ELF2: variants seen among roughly 807,000 people sequenced by gnomAD.
The protein encoded by ELF2 is E74 like ETS transcription factor 2, also known as ETS-related transcription factor Elf-2.
Under a neutral mutation model 54.8 loss-of-function variants are expected in ELF2, and 11 were observed. That is an observed-to-expected ratio of 0.20 (90% CI 0.13 to 0.33). ELF2 has a LOEUF of 0.33. Ranked by LOEUF, ELF2 falls within the 10% of genes least tolerant of loss-of-function variation. The pLI, the probability that ELF2 is intolerant of heterozygous loss-of-function variation, is 1.00. For synonymous variants in ELF2, 203 were observed against 245.1 expected, an observed-to-expected ratio of 0.83 and a Z score of 1.61; for missense variants, 513 against 703.0, an observed-to-expected ratio of 0.73 and a Z score of 3.06.
At chr4:139,119,070 T>G (rs989163266) in intron 4 of ELF2, among the ~76,000 whole-genome samples, 7 of 152,250 alleles carry the variant, frequency 4.6e-5, no homozygotes, top group African/African-American at 1.7e-4. Context: ...CAGGATTTTC[T>G]ATCATATTTG....
intron 4 of ELF2, among the ~76,000 whole-genome samples, chr4:139,113,497 T>C (rs1398154465): frequency 1.3e-5 from 2 of 148,742 alleles, no homozygotes; most frequent in Non-Finnish European, 3.0e-5. Flanking sequence ...GGAGGCAGAG[T>C]TTGCAGTGAG....
chr4:139,064,275 T>C (rs1185824992), intron 7 of ELF2, among the ~76,000 whole-genome samples: 1 of 152,184 alleles, frequency 6.6e-6, no homozygotes, highest in Non-Finnish European at 1.5e-5. Flanking sequence ...GCCACTGCAC[T>C]GCACCGCACT....
Position 139,063,064 on chromosome 4 carries a change from C to A in ELF2, c.614-1007G>T, listed in dbSNP as rs141973092. 1.1e-3 allele frequency among the ~76,000 whole-genome samples: 170 copies of A among 152,188 alleles called. 2 individuals carry two copies. Among genetic ancestry groups the A allele is most frequent in the Non-Finnish European group, 1.9e-3 (130 of 68,006 alleles). On this transcript the variant is annotated intron_variant, in intron 7 of 9. Transcript: ENST00000686138. Reference sequence around the variant, plus strand: ...CGTGAGGTCAGGAGTTCGAGACCAGCCTGGCCAACATGGTGAAACCCCATC... The same window carrying A: ...CGTGAGGTCAGGAGTTCGAGACCAGACTGGCCAACATGGTGAAACCCCATC...
At chr4:139,116,754 G>C (rs1176542946) in intron 4 of ELF2, 1 of 984,484 alleles carries the variant, frequency 1.0e-6, no homozygotes, top group Non-Finnish European at 1.2e-6. Flanking sequence ...CTACCTCCCT[G>C]TGGCAACAAT....
In ELF2 at chr4:139,058,170, G is replaced by A. The variant is rs552363246; in HGVS notation, c.*813C>T. The A allele has an allele frequency of 6.6e-6, 1 of 152,556 alleles. No homozygotes were observed. Among genetic ancestry groups the A allele is most frequent in the East Asian group, 1.9e-4 (1 of 5,180 alleles). The allele number at this position is 152,556 out of a possible 1,614,324, so 9.5% of individuals were successfully genotyped here. A position where few individuals can be genotyped will look rare whatever the true frequency, so the allele number is the denominator to read the frequency against. On this transcript the variant is annotated 3_prime_UTR_variant, in exon 10 of 10. Transcript: ENST00000686138. Reference sequence around the variant, plus strand: ...ACAGGCATGTTACAGCAAAAGGCCAGAGCCAACTGTTAATTTGTCCACAAT... The same window carrying A: ...ACAGGCATGTTACAGCAAAAGGCCAAAGCCAACTGTTAATTTGTCCACAAT...
At chr4:139,102,702 G>A (rs1011967431) in intron 4 of ELF2, among the ~76,000 whole-genome samples, 61 of 151,160 alleles carry the variant, frequency 4.0e-4, no homozygotes, top group Admixed American at 8.6e-4. Context: ...TTAGCCAGGC[G>A]TGGTGGCGGG....
At chr4:139,158,477 A>G (rs543586177) in intron 1 of ELF2, among the ~76,000 whole-genome samples, 1 of 152,244 alleles carries the variant, frequency 6.6e-6, no homozygotes, top group African/African-American at 2.4e-5. Context: ...ATAGTGGGCA[A>G]TGTTTCTCAG....
intron 4 of ELF2, among the ~76,000 whole-genome samples, chr4:139,096,991 T>C (rs1018793864): frequency 2.0e-5 from 3 of 152,214 alleles, no homozygotes; most frequent in East Asian, 1.9e-4. Flanking sequence ...TTTCTATTTA[T>C]TGACTTTCAT....
At chr4:139,148,794 T>C (rs578172715) in intron 1 of ELF2, among the ~76,000 whole-genome samples, 3 of 152,292 alleles carry the variant, frequency 2.0e-5, no homozygotes, top group South Asian at 2.1e-4. Flanking sequence ...GTTTAACATT[T>C]TGAGGAAATG....
intron 3 of ELF2, among the ~76,000 whole-genome samples, chr4:139,135,235 ATATGTGTGTGTGTGTGTGTGTGTGTG>A (rs1226997733): frequency 0.011 from 1,498 of 131,960 alleles, 25 homozygotes; most frequent in African/African-American, 0.045. Flanking sequence ...ACTACTATAT[ATATGTGTGTGTGTGTGTGTGTGTGTG>A]TGTGTGTGTG....
At chr4:139,098,396 TA>T (rs1433039900) in intron 4 of ELF2, among the ~76,000 whole-genome samples, 1 of 152,120 alleles carries the variant, frequency 6.6e-6, no homozygotes, top group Admixed American at 6.5e-5. Context: ...ATGTTCACCC[TA>T]AATTCTATTT....
intron 4 of ELF2, among the ~76,000 whole-genome samples, chr4:139,103,573 A>AT (rs930440213): frequency 2.9e-4 from 44 of 152,356 alleles, no homozygotes; most frequent in African/African-American, 1.0e-3. Flanking sequence ...CAGCAAGGGC[A>AT]TGGGACCTCC....
intron 4 of ELF2, among the ~76,000 whole-genome samples, chr4:139,096,462 T>G (rs901619680): frequency 4.6e-5 from 7 of 152,062 alleles, no homozygotes; most frequent in Admixed American, 1.3e-4. Flanking sequence ...TTGAGTCACT[T>G]ATAAATTAGT....
chr4:139,059,834 T>C (rs1245980380), intron 9 of ELF2, among the ~76,000 whole-genome samples: 3 of 152,004 alleles, frequency 2.0e-5, no homozygotes, highest in African/African-American at 7.3e-5. Flanking sequence ...CAATTCAGGT[T>C]ATTTAAGACA....
rs150113439 is a variant in ELF2 at position 139,097,598 on chromosome 4, C to T, written c.239-24031G>A. Among the ~76,000 whole-genome samples, 313 of 138,362 alleles carry T rather than the reference C, an allele frequency of 2.3e-3. 2 individuals carry two copies. The highest frequency in any genetic ancestry group is 8.2e-3 in the Middle Eastern group (2 of 244). 90.8% of individuals were successfully genotyped at this position (138,362 alleles called of 152,430 possible). The stretch of plus-strand genomic sequence containing the variant: ...TGCCACTGCACTCCAGCCTGGGTGA[C>T]GGAGCAAGACTCTGTCTCAAAAAAA... On this transcript the variant is annotated intron_variant, in intron 4 of 9. Coordinates refer to ENST00000686138, the MANE Select transcript of ELF2 (RefSeq NM_001331036.3).
chr4:139,079,117 C>T lies in ELF2; in HGVS notation c.239-5550G>A, dbSNP rs114570673. Among the ~76,000 whole-genome samples, 1,215 of 151,502 alleles carry T rather than the reference C, an allele frequency of 8.0e-3. 17 individuals carry two copies. Among genetic ancestry groups the T allele is most frequent in the African/African-American group, 0.028 (1,155 of 41,244 alleles). ...ATTTTTTGATTTTTTTTTTTAGAGA[C>T]GAGGGTCTCACTATGTTGTCCAGGC... On this transcript the variant is annotated intron_variant, in intron 4 of 9. Coordinates refer to ENST00000686138, the MANE Select transcript of ELF2 (RefSeq NM_001331036.3).
chr4:139,064,861 C>G (rs941278980), intron 7 of ELF2, among the ~76,000 whole-genome samples: 1 of 152,042 alleles, frequency 6.6e-6, no homozygotes, highest in Non-Finnish European at 1.5e-5. Flanking sequence ...GCCTGGGCAA[C>G]AAGAGCGAAA....
chr4:139,082,223 G>T (rs1229180993), intron 4 of ELF2, among the ~76,000 whole-genome samples: 3 of 152,112 alleles, frequency 2.0e-5, no homozygotes, highest in Non-Finnish European at 2.9e-5. Flanking sequence ...CGCAGCCACT[G>T]GAAACAACAT....
intron 4 of ELF2, among the ~76,000 whole-genome samples, chr4:139,074,634 C>G (rs1730020907): frequency 6.6e-6 from 1 of 151,864 alleles, no homozygotes; most frequent in South Asian, 2.1e-4. Flanking sequence ...GTGGCGGGCA[C>G]CTGTAGTCCC....
Sources: gnomAD v4.1 joint callset for allele counts (sites outside exome capture counted in the v4.1 genomes callset) on GRCh38, gnomAD v4.1.1 for gene constraint, MANE v1.5 for transcripts, NCBI Gene and HGNC (gene_info 2026-07-23, HGNC 2026-07-21) for gene names.